Variants in FAM171A1 observed in about 807,000 individuals in gnomAD.
FAM171A1 encodes family with sequence similarity 171 member A1.
In FAM171A1, 23 loss-of-function variants were observed where a neutral mutation model predicts 74.9. The ratio of observed to expected loss-of-function variants is 0.31; its 90% CI spans 0.22 to 0.44. The LOEUF (loss-of-function observed/expected upper bound fraction) is 0.44. Among genes scored for constraint, FAM171A1 ranks in the 20% least tolerant of loss-of-function variants. The pLI, the probability that FAM171A1 is intolerant of heterozygous loss-of-function variation, is 1.00. For synonymous variants in FAM171A1, 527 were observed against 505.7 expected, an observed-to-expected ratio of 1.04 and a Z score of -0.57; for missense variants, 1,162 against 1,159.2, an observed-to-expected ratio of 1.00 and a Z score of -0.03.
intron 1 of FAM171A1, among the ~76,000 whole-genome samples, chr10:15,352,934 A>G (rs1393748400): frequency 1.3e-5 from 2 of 152,164 alleles, no homozygotes; most frequent in African/African-American, 4.8e-5. Flanking sequence ...TCACTGAGGG[A>G]GGAGACACTT....
chr10:15,371,484 T>TA (rs1403366588), upstream of FAM171A1, among the ~76,000 whole-genome samples: 3 of 151,700 alleles, frequency 2.0e-5, no homozygotes, highest in African/African-American at 7.3e-5. Context: ...AGACCTGCCT[T>TA]TCAGGGCGGA....
chr10:15,306,597 C>G (rs1835298660), intron 1 of FAM171A1, among the ~76,000 whole-genome samples: 1 of 152,174 alleles, frequency 6.6e-6, no homozygotes, highest in African/African-American at 2.4e-5. Context: ...AACTGCTGAC[C>G]TCAGGTGATC....
intron 4 of FAM171A1, among the ~76,000 whole-genome samples, chr10:15,249,349 G>A (rs1466707179): frequency 1.3e-5 from 2 of 152,240 alleles, no homozygotes; most frequent in African/African-American, 4.8e-5. Context: ...GCCTGCCTTG[G>A]CAATCCCAGG....
At chr10:15,222,103 C>G (rs901001255) in intron 5 of FAM171A1, among the ~76,000 whole-genome samples, 2 of 152,108 alleles carry the variant, frequency 1.3e-5, no homozygotes, top group Non-Finnish European at 2.9e-5. Context: ...CTAGACAGCC[C>G]GCGCACCCAC....
intron 5 of FAM171A1, among the ~76,000 whole-genome samples, chr10:15,235,279 G>C (rs777738504): frequency 8.4e-5 from 11 of 130,570 alleles, no homozygotes; most frequent in Non-Finnish European, 1.7e-4. Context: ...TCCAGCCTGG[G>C]AGACAGAGCG....
In FAM171A1 at chr10:15,350,778, A is replaced by G. The variant is rs567589032; in HGVS notation, c.97+20178T>C. 2.0e-3 allele frequency among the ~76,000 whole-genome samples: 305 copies of G among 151,938 alleles called. 1 individual carries two copies. Among genetic ancestry groups the G allele is most frequent in the African/African-American group, 6.8e-3 (282 of 41,430 alleles). ...CTGCCTCAGCCTCCCCAGTAGCTGG[A>G]ATTACAGGTGTGTACCACCACGCCT... is the stretch of plus-strand genomic sequence containing the variant. On this transcript the variant is annotated intron_variant, in intron 1 of 7. Transcript: ENST00000378116.
intron 1 of FAM171A1, among the ~76,000 whole-genome samples, chr10:15,306,981 G>A (rs924149954): frequency 1.3e-5 from 2 of 152,132 alleles, no homozygotes; most frequent in African/African-American, 2.4e-5. Context: ...CTGAAGACAC[G>A]GAACCCTCTC....
intron 1 of FAM171A1, among the ~76,000 whole-genome samples, chr10:15,331,848 T>TAC (rs1372362633): frequency 0.33 from 26,579 of 80,814 alleles, 5,307 homozygotes; most frequent in East Asian, 0.66. Flanking sequence ...TATGTGTGTA[T>TAC]ATATATGTGT....
rs1050333636 is a variant in FAM171A1, at chr10:15,234,715, C to T, written c.755-13655G>A. ...TCGCCCAGGCTGAAGTGCAGTGGCG[C>T]GATCTTGGCTCACTGCAAGCTCTGC... On this transcript the variant is annotated intron_variant, in intron 5 of 7. Transcript: ENST00000378116. 4.0e-5 allele frequency among the ~76,000 whole-genome samples: 6 copies of T among 151,624 alleles called. No homozygotes were observed. In the East Asian group the frequency reaches 5.8e-4, roughly 15 times the overall value.
At chr10:15,272,675 A>G (rs1460648798) in intron 3 of FAM171A1, among the ~76,000 whole-genome samples, 2 of 152,222 alleles carry the variant, frequency 1.3e-5, no homozygotes, top group Admixed American at 1.3e-4. Flanking sequence ...AAAAGAACAG[A>G]AATTATAACA....
chr10:15,307,355 C>T (rs533432915), intron 1 of FAM171A1, among the ~76,000 whole-genome samples: 4 of 152,076 alleles, frequency 2.6e-5, no homozygotes, highest in East Asian at 1.9e-4. Flanking sequence ...AAGTAGAAAG[C>T]GACTTGAGGC....
chr10:15,351,811 C>A (rs1835883606), intron 1 of FAM171A1, among the ~76,000 whole-genome samples: 1 of 151,984 alleles, frequency 6.6e-6, no homozygotes, highest in Non-Finnish European at 1.5e-5. Flanking sequence ...CTCAACACTT[C>A]TAGGGCCAAG....
At chr10:15,229,376 T>C (rs970688321) in intron 5 of FAM171A1, among the ~76,000 whole-genome samples, 1 of 152,082 alleles carries the variant, frequency 6.6e-6, no homozygotes, top group East Asian at 1.9e-4. Context: ...TTAAGAGGTA[T>C]GCACCTCTCA....
chr10:15,310,999 C>T (rs771668592), intron 1 of FAM171A1, among the ~76,000 whole-genome samples: 7 of 152,088 alleles, frequency 4.6e-5, no homozygotes, highest in Non-Finnish European at 1.5e-5. Flanking sequence ...TGAGTCCAGG[C>T]CAGCATGAGA....
intron 1 of FAM171A1, among the ~76,000 whole-genome samples, chr10:15,329,209 G>A (rs552489975): frequency 6.6e-6 from 1 of 152,268 alleles, no homozygotes; most frequent in East Asian, 1.9e-4. Flanking sequence ...ATACTAACTT[G>A]AACTACAAAC....
At chr10:15,279,128 C>T (rs977746461) in intron 2 of FAM171A1, among the ~76,000 whole-genome samples, 22 of 152,146 alleles carry the variant, frequency 1.4e-4, no homozygotes, top group East Asian at 3.9e-4. Flanking sequence ...CTCGGAGCTC[C>T]GAAATCACCT....
intron 5 of FAM171A1, among the ~76,000 whole-genome samples, chr10:15,234,713 C>T (rs1326658180): frequency 6.6e-6 from 1 of 151,300 alleles, no homozygotes; most frequent in African/African-American, 2.4e-5. Context: ...AGTGCAGTGG[C>T]GCGATCTTGG....
chr10:15,334,303 A>T (rs926164170), intron 1 of FAM171A1, among the ~76,000 whole-genome samples: 2 of 152,174 alleles, frequency 1.3e-5, no homozygotes, highest in African/African-American at 4.8e-5. Context: ...AGATACCATC[A>T]TCTCCTTGCA....
At position 15,220,931 on chromosome 10, in the gene FAM171A1, G is replaced by T; in HGVS notation, c.871+13C>A. On this transcript the variant is annotated intron_variant, in intron 6 of 7. Coordinates refer to ENST00000378116, the MANE Select transcript of FAM171A1 (RefSeq NM_001010924.2). ...ACTGATCCGCATCATCGCAAGTGTT[G>T]GCTCCGTGTTACCTGGGATGGGAGG... The T allele has an allele frequency of 6.3e-7, 1 of 1,598,268 alleles. No individual in the cohort carries two copies. The highest frequency in any genetic ancestry group is 8.6e-7 in the Non-Finnish European group (1 of 1,166,648).
Sources: allele counts gnomAD v4.1 joint callset (sites outside exome capture counted in the v4.1 genomes callset), GRCh38; gene constraint gnomAD v4.1.1; transcripts MANE v1.5; gene names NCBI Gene and HGNC (gene_info 2026-07-23, HGNC 2026-07-21).